Variants in GRID2 observed in about 807,000 individuals in gnomAD.
GRID2 encodes glutamate ionotropic receptor delta type subunit 2, also known as glutamate receptor ionotropic, delta-2.
In GRID2, 33 loss-of-function variants were observed where a neutral mutation model predicts 114.8. The observed-to-expected ratio is 0.29, with a 90% CI of 0.22 to 0.38. The LOEUF (loss-of-function observed/expected upper bound fraction) is 0.38. GRID2 is among the 10% of genes least tolerant of loss of function. GRID2 has a pLI of 1.00. For missense variants in GRID2, 1,184 were observed against 1,257.7 expected (o/e 0.94, Z 0.89); for synonymous variants, 505 against 449.9 (o/e 1.12, Z -1.55).
intron 2 of GRID2, among the ~76,000 whole-genome samples, chr4:92,781,194 T>G (rs1739056012): frequency 6.6e-6 from 1 of 151,918 alleles, no homozygotes; most frequent in East Asian, 1.9e-4. Context: ...TTCAGTGAGC[T>G]GAGATCACAC....
chr4:93,570,075 T>C (rs34393004), intron 13 of GRID2, among the ~76,000 whole-genome samples: 32,830 of 152,152 alleles, frequency 0.22, 3,989 homozygotes, highest in Middle Eastern at 0.34. Context: ...CTATAGTACC[T>C]TGATCATAAC....
chr4:92,895,192 T>G (rs1440876592), intron 2 of GRID2, among the ~76,000 whole-genome samples: 2 of 151,676 alleles, frequency 1.3e-5, no homozygotes, highest in African/African-American at 4.9e-5. Context: ...TGGATAAATC[T>G]GTGAGGCCAA....
intron 2 of GRID2, among the ~76,000 whole-genome samples, chr4:92,781,723 A>G (rs546592369): frequency 3.3e-5 from 5 of 152,044 alleles, no homozygotes; most frequent in Non-Finnish European, 7.4e-5. Flanking sequence ...GAGGGATTCT[A>G]ATATTCTATA....
intron 1 of GRID2, among the ~76,000 whole-genome samples, chr4:92,358,091 G>T (rs1183916048): frequency 6.6e-6 from 1 of 151,876 alleles, no homozygotes; most frequent in Non-Finnish European, 1.5e-5. Flanking sequence ...GAGGAGAAAA[G>T]AAGAAAATAA....
chr4:93,538,196 C>T (rs544890903), intron 13 of GRID2, among the ~76,000 whole-genome samples: 1 of 151,726 alleles, frequency 6.6e-6, no homozygotes, highest in Admixed American at 6.6e-5. Context: ...GAAGGTGAAT[C>T]TGGAAAATTT....
intron 2 of GRID2, among the ~76,000 whole-genome samples, chr4:92,674,603 A>G (rs1733244085): frequency 6.6e-6 from 1 of 151,804 alleles, no homozygotes; most frequent in African/African-American, 2.4e-5. Flanking sequence ...GCTCACTGCA[A>G]CCTCCGCCTC....
intron 13 of GRID2, among the ~76,000 whole-genome samples, chr4:93,623,924 C>T (rs1742445822): frequency 6.6e-6 from 1 of 152,090 alleles, no homozygotes; most frequent in South Asian, 2.1e-4. Context: ...TTTAGAATTA[C>T]ATTTTGTATT....
At chr4:92,750,676 T>A (rs553188091) in intron 2 of GRID2, among the ~76,000 whole-genome samples, 2 of 152,218 alleles carry the variant, frequency 1.3e-5, no homozygotes, top group Non-Finnish European at 2.9e-5. Context: ...ATGCTTGTTC[T>A]GTAACCTTAA....
chr4:93,545,000 A>G (rs970212857), intron 13 of GRID2, among the ~76,000 whole-genome samples: 10 of 152,088 alleles, frequency 6.6e-5, no homozygotes, highest in Non-Finnish European at 1.3e-4. Context: ...ATACCATTTT[A>G]CACCCCCTAA....
At chr4:92,721,651 C>A (rs950796710) in intron 2 of GRID2, among the ~76,000 whole-genome samples, 1 of 152,056 alleles carries the variant, frequency 6.6e-6, no homozygotes, top group African/African-American at 2.4e-5. Context: ...ATAAAAGGAT[C>A]TTATCCAATT....
chr4:93,630,979 A>G (rs532859240), intron 14 of GRID2, among the ~76,000 whole-genome samples: 4 of 152,290 alleles, frequency 2.6e-5, no homozygotes, highest in Admixed American at 2.0e-4. Flanking sequence ...GCTACTACAC[A>G]TAATAACCCG....
At chr4:92,358,195 T>C (rs992112747) in intron 1 of GRID2, among the ~76,000 whole-genome samples, 6 of 151,976 alleles carry the variant, frequency 3.9e-5, no homozygotes, top group African/African-American at 1.4e-4. Context: ...AGAAGGCATA[T>C]CAGATAAAGG....
chr4:93,614,473 C>T (rs1235437879), intron 13 of GRID2, among the ~76,000 whole-genome samples: 1 of 152,062 alleles, frequency 6.6e-6, no homozygotes, highest in African/African-American at 2.4e-5. Context: ...GATCAAAACC[C>T]ATAAAATATA....
intron 9 of GRID2, among the ~76,000 whole-genome samples, chr4:93,398,676 A>T (rs952674607): frequency 3.3e-5 from 5 of 151,254 alleles, no homozygotes; most frequent in African/African-American, 1.2e-4. Context: ...ACTCTTAATA[A>T]TCTCTATTTC....
At chr4:92,616,450 A>G (rs1730008341) in intron 2 of GRID2, among the ~76,000 whole-genome samples, 7 of 151,458 alleles carry the variant, frequency 4.6e-5, no homozygotes. Flanking sequence ...TGATCTGTCT[A>G]GGAATGGATG....
At chr4:93,272,511 G>T (rs748628533) in intron 8 of GRID2, among the ~76,000 whole-genome samples, 2 of 152,128 alleles carry the variant, frequency 1.3e-5, no homozygotes, top group African/African-American at 4.8e-5. Context: ...ATGCTCTAGC[G>T]CAAGGGAGTG....
chr4:93,557,440 G>T (rs1428711470), intron 13 of GRID2, among the ~76,000 whole-genome samples: 2 of 151,974 alleles, frequency 1.3e-5, no homozygotes, highest in African/African-American at 4.8e-5. Context: ...TTGCAGCCCT[G>T]GTCTCTGATA....
intron 11 of GRID2, among the ~76,000 whole-genome samples, chr4:93,488,097 G>T (rs959500744): frequency 6.6e-6 from 1 of 151,940 alleles, no homozygotes; most frequent in African/African-American, 2.4e-5. Context: ...TGCCCAATTA[G>T]CATTTTCATT....
chr4:92,959,302 T>G (rs192318168), intron 2 of GRID2, among the ~76,000 whole-genome samples: 5 of 152,166 alleles, frequency 3.3e-5, no homozygotes, highest in African/African-American at 7.2e-5. Flanking sequence ...ATGTTAGATC[T>G]TTCTTCGTCT....
Sources: gnomAD v4.1 joint callset for allele counts (sites outside exome capture counted in the v4.1 genomes callset) on GRCh38, gnomAD v4.1.1 for gene constraint, MANE v1.5 for transcripts, NCBI Gene and HGNC (gene_info 2026-07-23, HGNC 2026-07-21) for gene names.